The following METTL8 variants were observed in gnomAD, a reference collection of about 807,000 sequenced individuals.
METTL8 encodes the protein methyltransferase 8, tRNA N3-cytidine, also known as tRNA N(3)-cytidine methyltransferase METTL8, mitochondrial.
In METTL8, 32 loss-of-function variants were observed where a neutral mutation model predicts 48.7. The observed-to-expected ratio is 0.66, with a 90% CI of 0.50 to 0.88. METTL8 has a LOEUF of 0.88. Among genes scored for constraint, METTL8 ranks in the 40% least tolerant of loss-of-function variants. The probability of loss-of-function intolerance (pLI) is 0.00; values close to 1 mark genes in which losing one functional copy is unlikely to be tolerated. For missense variants in METTL8, 464 were observed against 474.4 expected, an observed-to-expected ratio of 0.98 and a Z score of 0.20; for synonymous variants, 136 against 157.1, an observed-to-expected ratio of 0.87 and a Z score of 1.01.
chr2:171,378,920 T>C (rs990520576), intron 2 of METTL8, among the ~76,000 whole-genome samples: 5 of 152,242 alleles, frequency 3.3e-5, no homozygotes, highest in African/African-American at 1.2e-4. Flanking sequence ...GATGGATATC[T>C]ACAGAACTCT....
In METTL8 at chr2:171,363,409, T is replaced by C. The variant is rs189750838; in HGVS notation, c.144-2896A>G. Reference sequence around the variant, plus strand: ...CATACAACTTTTTATTAGTAATAAATACAACTATAGAATTTAAGCATAGAA... The same window carrying C: ...CATACAACTTTTTATTAGTAATAAACACAACTATAGAATTTAAGCATAGAA... On this transcript the variant is annotated intron_variant, in intron 2 of 9. Transcript: ENST00000375258. 2.4e-3 allele frequency among the ~76,000 whole-genome samples: 360 copies of C among 152,108 alleles called. 2 individuals carry two copies. The highest frequency in any genetic ancestry group is 1.4e-3 in the East Asian group (7 of 5,182).
intron 2 of METTL8, among the ~76,000 whole-genome samples, chr2:171,389,452 G>T (rs751411321): frequency 2.2e-5 from 3 of 138,296 alleles, no homozygotes; most frequent in Admixed American, 8.2e-5. Flanking sequence ...CCAGGTGAAG[G>T]TTCAGTGAAC....
At position 171,427,342 on chromosome 2, in the gene METTL8, C is replaced by T. The variant is rs1380257584; in HGVS notation, c.-13+6541G>A. 2.6e-5 allele frequency among the ~76,000 whole-genome samples: 4 copies of T among 152,276 alleles called. No homozygotes were observed. The East Asian group carries it at 7.7e-4, about 29-fold the overall frequency. On this transcript the variant is annotated intron_variant, in intron 1 of 9. Transcript: ENST00000375258. ...TTCTTGCCTTCCACAATGTATTTTC[C>T]ACTCTATAGCCATAATGACCTTTTT...
intron 1 of METTL8, among the ~76,000 whole-genome samples, chr2:171,392,467 T>G (rs553049422): frequency 6.6e-6 from 1 of 152,338 alleles, no homozygotes; most frequent in East Asian, 1.9e-4. Context: ...TTTTATTTGC[T>G]TATTTAATTT....
Position 171,339,387 on chromosome 2 carries a change from T to A in METTL8, c.403A>T (p.Thr135Ser). Residue 135 changes from threonine (T) to serine (S), a missense_variant, in exon 4 of 10, where the codon ACT becomes TCT. By Grantham distance (58) the Thr-to-Ser change is moderately conservative. Transcript: ENST00000375258. Reference sequence around the variant, plus strand: ...CTTGAGAAACGATTTGTAGCACTAGTTTTTACATGATCCCATGATGATTCT... The same window carrying A: ...CTTGAGAAACGATTTGTAGCACTAGATTTTACATGATCCCATGATGATTCT... Reference protein sequence around the residue: ...ARESSWDHVKTSATNRFSRMH... With the variant: ...ARESSWDHVKSSATNRFSRMH... 2 of 1,613,418 alleles carry A rather than the reference T, an allele frequency of 1.2e-6. No homozygotes were observed. Among genetic ancestry groups the A allele is most frequent in the Non-Finnish European group, 1.7e-6 (2 of 1,179,604 alleles).
intron 1 of METTL8, among the ~76,000 whole-genome samples, chr2:171,404,310 G>A (rs138650824): frequency 5.5e-4 from 83 of 151,954 alleles, no homozygotes; most frequent in Admixed American, 1.7e-3. Context: ...CAGGCATCGT[G>A]ACATAGTGTT....
At chr2:171,349,286 T>C (rs1043290010) in intron 3 of METTL8, among the ~76,000 whole-genome samples, 6 of 152,196 alleles carry the variant, frequency 3.9e-5, no homozygotes, top group Non-Finnish European at 5.9e-5. Context: ...GTTAGAACAG[T>C]AGGATTAAGA....
chr2:171,407,200 C>T (rs1414298437), intron 1 of METTL8, among the ~76,000 whole-genome samples: 1 of 151,984 alleles, frequency 6.6e-6, no homozygotes, highest in African/African-American at 2.4e-5. Flanking sequence ...TGGCTAGAGT[C>T]TGGGTTTAAA....
chr2:171,368,157 G>A (rs1419147243), intron 2 of METTL8, among the ~76,000 whole-genome samples: 2 of 152,164 alleles, frequency 1.3e-5, no homozygotes, highest in African/African-American at 2.4e-5. Context: ...TGATGAAGCA[G>A]TAAAAACTAT....
In METTL8 at chr2:171,324,211, A is replaced by G; in HGVS notation, c.1185T>C (p.Asn395=). Reference sequence around the variant, plus strand: ...GGAGTGTAGATACCATATTGGAGCTATTCTGAGTCTGGTGCAATGGTTTCT... The same window carrying G: ...GGAGTGTAGATACCATATTGGAGCTGTTCTGAGTCTGGTGCAATGGTTTCT... The part of the protein sequence containing the change: ...KFQKPLHQTQ[N]SSNMVSTLLS... Residue 395 remains asparagine, a synonymous_variant, in exon 10 of 10, where the codon AAT becomes AAC. Coordinates refer to ENST00000375258, the MANE Select transcript of METTL8 (RefSeq NM_001321154.2). 1 of 1,550,330 alleles carries G rather than the reference A, an allele frequency of 6.5e-7. No homozygotes were observed. The highest frequency in any genetic ancestry group is 8.7e-7 in the Non-Finnish European group (1 of 1,146,802).
rs929054228 is a variant in METTL8 at position 171,357,824 on chromosome 2, A to G, written c.235+2598T>C. ...ATCCTCTAGCTGCAGCCCCCTGAGTAGCTGGGACTACAGGTGCATGACCAC... is the reference window on the plus strand; with the variant it reads ...ATCCTCTAGCTGCAGCCCCCTGAGTGGCTGGGACTACAGGTGCATGACCAC... On this transcript the variant is annotated intron_variant, in intron 3 of 9. Coordinates refer to ENST00000375258, the MANE Select transcript of METTL8 (RefSeq NM_001321154.2). Among the ~76,000 whole-genome samples, 10 of 152,186 alleles carry G rather than the reference A, an allele frequency of 6.6e-5. 1 individual carries two copies. Among genetic ancestry groups the G allele is most frequent in the African/African-American group, 2.4e-4 (10 of 41,518 alleles).
At chr2:171,361,080 G>A (rs938809792) in intron 2 of METTL8, among the ~76,000 whole-genome samples, 31 of 152,078 alleles carry the variant, frequency 2.0e-4, no homozygotes, top group Admixed American at 6.5e-5. Context: ...CATGTGAAAA[G>A]GTCACCTTTC....
At chr2:171,354,372 C>G (rs968960467) in intron 3 of METTL8, among the ~76,000 whole-genome samples, 1 of 152,202 alleles carries the variant, frequency 6.6e-6, no homozygotes, top group African/African-American at 2.4e-5. Context: ...CCTGACCTTT[C>G]TCTCTGGCTG....
intron 1 of METTL8, among the ~76,000 whole-genome samples, chr2:171,401,495 A>G (rs986799470): frequency 6.6e-6 from 1 of 152,184 alleles, no homozygotes; most frequent in African/African-American, 2.4e-5. Context: ...GTAACTCTGC[A>G]GCTTCAAAAT....
intron 3 of METTL8, among the ~76,000 whole-genome samples, chr2:171,355,882 T>C (rs1318261812): frequency 6.6e-6 from 1 of 152,116 alleles, no homozygotes; most frequent in Non-Finnish European, 1.5e-5. Context: ...TTCCTTTGGC[T>C]AGGAAAGGGA....
chr2:171,339,080 G>T, intron 4 of METTL8, 104 bp downstream of exon 4: 1 of 961,974 alleles, frequency 1.0e-6, no homozygotes, highest in Non-Finnish European at 1.5e-6. Flanking sequence ...ATTTACATTT[G>T]ATAGTTTTCC....
chr2:171,317,072 TTAAAAAC>T lies in METTL8; in HGVS notation c.*7093_*7099del, dbSNP rs953539789. ...TGTTGCTTGTGCTAAGTACAGAGCA[TTAAAAAC>T]AAAAAACAAAAAAGCCCCACTAATG... is the stretch of plus-strand genomic sequence containing the variant. On this transcript the variant is annotated 3_prime_UTR_variant, in exon 10 of 10. Coordinates refer to ENST00000375258, the MANE Select transcript of METTL8 (RefSeq NM_001321154.2). Among the ~76,000 whole-genome samples the T allele has an allele frequency of 1.3e-5, 2 of 152,126 alleles. No individual in the cohort carries two copies. The highest frequency in any genetic ancestry group is 2.9e-5 in the Non-Finnish European group (2 of 68,026).
At chr2:171,430,316 C>G (rs1282577119) in intron 1 of METTL8, among the ~76,000 whole-genome samples, 1 of 151,862 alleles carries the variant, frequency 6.6e-6, no homozygotes, top group Non-Finnish European at 1.5e-5. Flanking sequence ...CGAGATAGCC[C>G]CACCGCACTC....
chr2:171,346,368 A>G (rs1376444078), intron 3 of METTL8, among the ~76,000 whole-genome samples: 1 of 152,198 alleles, frequency 6.6e-6, no homozygotes, highest in East Asian at 1.9e-4. Flanking sequence ...TGAAATGTCA[A>G]CCATCCTGCA....
Sources: gnomAD v4.1 joint callset for allele counts (sites outside exome capture counted in the v4.1 genomes callset) on GRCh38, gnomAD v4.1.1 for gene constraint, MANE v1.5 for transcripts, NCBI Gene and HGNC (gene_info 2026-07-23, HGNC 2026-07-21) for gene names.